Variants in TLE3 observed in about 807,000 individuals in gnomAD.
TLE3 encodes the protein transducin-like enhancer protein 3.
In TLE3, 14 loss-of-function variants were observed where a neutral mutation model predicts 93.0. The observed-to-expected ratio is 0.15, with a 90% CI of 0.10 to 0.24. TLE3 has a LOEUF of 0.24. Ranked by LOEUF, TLE3 falls within the 10% of genes least tolerant of loss-of-function variation. The probability of loss-of-function intolerance (pLI) is 1.00; values close to 1 mark genes in which losing one functional copy is unlikely to be tolerated. For missense variants in TLE3, 693 were observed against 1,046.6 expected (o/e 0.66, Z 4.66); for synonymous variants, 451 against 425.0 (o/e 1.06, Z -0.75).
intron 13 of TLE3, 22 bp downstream of exon 13, chr15:70,057,437 A>C: frequency 6.4e-7 from 1 of 1,571,202 alleles, no homozygotes; most frequent in Non-Finnish European, 8.6e-7. Context: ...TCCCCAAGAA[A>C]GGAGCCAAAA....
rs1484374635 is a variant in TLE3 at position 70,049,288 on chromosome 15, C to T, written c.*809G>A. On this transcript the variant is annotated 3_prime_UTR_variant, in exon 20 of 20. Coordinates refer to ENST00000451782, the MANE Select transcript of TLE3 (RefSeq NM_001105192.3). ...CAAGAGACCACAGAAAGCTCCATTT[C>T]TGCGGGTGTCCGCCTGGACGGGCCC... 8.5e-5 allele frequency: 13 copies of T among 152,420 alleles called. No homozygotes were observed. The highest frequency in any genetic ancestry group is 2.6e-4 in the African/African-American group (11 of 41,584). 9.4% of individuals were successfully genotyped at this position (152,420 alleles called of 1,614,324 possible).
chr15:70,086,515 G>C lies in TLE3; in HGVS notation c.234+8017C>G, dbSNP rs115676418. On this transcript the variant is annotated intron_variant, in intron 4 of 19. Coordinates refer to ENST00000451782, the MANE Select transcript of TLE3 (RefSeq NM_001105192.3). Reference sequence around the variant, plus strand: ...GACCAGGAAGGGAGAGCCCTCTCCTGTACCCAAATTGCATTTGGTATTCAG... The same window carrying C: ...GACCAGGAAGGGAGAGCCCTCTCCTCTACCCAAATTGCATTTGGTATTCAG... Among the ~76,000 whole-genome samples the C allele has an allele frequency of 9.2e-3, 1,403 of 152,266 alleles. 25 individuals are homozygous for C. Among genetic ancestry groups the C allele is most frequent in the African/African-American group, 0.033 (1,359 of 41,540 alleles).
chr15:70,084,226 A>G (rs2057932491), intron 4 of TLE3, among the ~76,000 whole-genome samples: 1 of 152,240 alleles, frequency 6.6e-6, no homozygotes, highest in Admixed American at 6.5e-5. Flanking sequence ...TCCTTCCTCT[A>G]TAACAAGGCC....
chr15:70,095,894 T>C, intron 2 of TLE3: 1 of 621,708 alleles, frequency 1.6e-6, no homozygotes, highest in South Asian at 2.0e-5. Flanking sequence ...TGACGCTGGC[T>C]CCCGACACCC....
Position 70,061,881 on chromosome 15 carries a change from A to G in TLE3, c.595-1232T>C, listed in dbSNP as rs189494406. Among the ~76,000 whole-genome samples, 685 of 149,698 alleles carry G rather than the reference A, an allele frequency of 4.6e-3. 5 individuals are homozygous for G. Among genetic ancestry groups the G allele is most frequent in the African/African-American group, 0.017 (656 of 39,036 alleles). ...GGTCCCAGTCCCCATGCAACACAGG[A>G]GGTCATATGGAGACCCAGAGGGACA... On this transcript the variant is annotated intron_variant, in intron 8 of 19. Coordinates refer to ENST00000451782, the MANE Select transcript of TLE3 (RefSeq NM_001105192.3).
intron 4 of TLE3, among the ~76,000 whole-genome samples, chr15:70,080,948 C>A (rs893686899): frequency 6.6e-6 from 1 of 152,160 alleles, no homozygotes; most frequent in African/African-American, 2.4e-5. Context: ...CTACTTCCAC[C>A]AGAGAGTCTG....
At chr15:70,093,192 T>G (rs2058382443) in intron 4 of TLE3, among the ~76,000 whole-genome samples, 1 of 152,242 alleles carries the variant, frequency 6.6e-6, no homozygotes, top group Admixed American at 6.5e-5. Flanking sequence ...TTCATGTGCC[T>G]TCCTAAGGGA....
chr15:70,065,834 A>T (rs1052184345), intron 7 of TLE3, among the ~76,000 whole-genome samples, 180 bp downstream of exon 7: 3 of 152,222 alleles, frequency 2.0e-5, no homozygotes, highest in Admixed American at 2.0e-4. Context: ...GAGTAGGAAA[A>T]GGTGCATGGG....
chr15:70,085,306 C>A (rs76931291), intron 4 of TLE3, among the ~76,000 whole-genome samples: 1,821 of 152,326 alleles, frequency 0.012, 33 homozygotes, highest in African/African-American at 0.042. Context: ...GAAGACAAAT[C>A]TCCCAGCTTC....
chr15:70,074,573 G>T lies in TLE3; in HGVS notation c.332C>A (p.Ala111Asp). The change falls in exon 6 of 20, where the codon GCC becomes GAC. Residue 111 changes from alanine (A) to aspartate (D), a missense_variant. Around this residue, in one of 4 missense-constraint regions of TLE3, gnomAD observed 104 missense variants for 173.8 expected, o/e 0.60. Transcript: ENST00000451782. ...CAGCTCCGTCATGGTGACCTGCTTG[G>T]CGCGCTCCACTGCCTGCGCCACCTG... ...QQQVAQAVERAKQVTMTELNA... is the reference protein window; with the variant it reads ...QQQVAQAVERDKQVTMTELNA... 6.2e-7 allele frequency: 1 copy of T among 1,612,502 alleles called. No individual in the cohort carries two copies. Among genetic ancestry groups the T allele is most frequent in the Non-Finnish European group, 8.5e-7 (1 of 1,179,386 alleles).
At chr15:70,069,190 T>A (rs1216084467) in intron 6 of TLE3, among the ~76,000 whole-genome samples, 8 of 152,240 alleles carry the variant, frequency 5.3e-5, no homozygotes, top group African/African-American at 1.4e-4. Flanking sequence ...GTGGGTAAAT[T>A]AGTGAAAATT....
intron 3 of TLE3, chr15:70,094,853 A>G (rs2142089383): frequency 2.5e-6 from 1 of 398,802 alleles, no homozygotes; most frequent in Non-Finnish European, 4.6e-6. Flanking sequence ...TCCTGTTTAT[A>G]CAAGGTTCAG....
Position 70,096,508 on chromosome 15 carries a change from A to G in TLE3, c.25-247T>C, listed in dbSNP as rs540094660. 3.3e-6 allele frequency: 4 copies of G among 1,229,288 alleles called. No homozygotes were observed. The South Asian group carries it at 4.1e-5, about 13-fold the overall frequency. The allele number at this position is 1,229,288 out of a possible 1,614,324, so 76.1% of individuals were successfully genotyped here. ...CCCAGTAAGGCGGGGGCGGGAGACA[A>G]GCCGGGTGAGTTGGGAGACTTCAGA... On this transcript the variant is annotated intron_variant, in intron 1 of 19. Coordinates refer to ENST00000451782, the MANE Select transcript of TLE3 (RefSeq NM_001105192.3).
chr15:70,061,564 C>T (rs2141568120), intron 8 of TLE3, among the ~76,000 whole-genome samples: 1 of 152,288 alleles, frequency 6.6e-6, no homozygotes, highest in South Asian at 2.1e-4. Context: ...GCTGTTACCA[C>T]CGAGCTGGGG....
intron 8 of TLE3, among the ~76,000 whole-genome samples, chr15:70,061,451 A>G (rs2056468727): frequency 1.3e-5 from 2 of 152,090 alleles, no homozygotes; most frequent in Admixed American, 1.3e-4. Flanking sequence ...TCCCTCAACT[A>G]TAAAGCAAAT....
chr15:70,095,343 T>C (rs180809393), intron 3 of TLE3: 1 of 1,427,246 alleles, frequency 7.0e-7, no homozygotes, highest in Non-Finnish European at 9.1e-7. Flanking sequence ...TACAGAAGTC[T>C]CCGGCCTGGA....
chr15:70,085,289 T>C (rs1048932961), intron 4 of TLE3, among the ~76,000 whole-genome samples: 2 of 152,196 alleles, frequency 1.3e-5, no homozygotes, highest in African/African-American at 4.8e-5. Context: ...GCCAACCTCT[T>C]AGCCATGAAG....
rs1566996776 is a variant in TLE3, at chr15:70,059,460, C to T, written c.715G>A (p.Asp239Asn). 4 of 1,608,518 alleles carry T rather than the reference C, an allele frequency of 2.5e-6. No homozygotes were observed. The Admixed American group carries it at 5.1e-5, about 20-fold the overall frequency. Residue 239 changes from aspartate (D) to asparagine (N), a missense_variant and splice_region_variant, in exon 10 of 20, where the codon GAC (aspartate) becomes AAC (asparagine). Physicochemically the swap from Asp to Asn is conservative, Grantham distance 23. Transcript: ENST00000451782. ...TCATCACTCTTGTCTCCATCACTGT[C>T]CTGCAACCAAGAGAGAAGCCAACTG... ...AEEKDSLSRY[D>N]SDGDKSDDLV... is the part of the protein sequence containing the mutation.
At chr15:70,054,729 C>A in intron 15 of TLE3, 44 bp from the exon 16 acceptor site, 1 of 1,516,866 alleles carries the variant, frequency 6.6e-7, no homozygotes, top group South Asian at 1.3e-5. Context: ...TACTTCCCCT[C>A]CTGGGCACCA....
Sources: allele counts gnomAD v4.1 joint callset (sites outside exome capture counted in the v4.1 genomes callset), GRCh38; gene constraint gnomAD v4.1.1; regional missense constraint gnomAD v4.1.1; transcripts MANE v1.5; gene names NCBI Gene and HGNC (gene_info 2026-07-23, HGNC 2026-07-21).